SLC4A10: variants seen among roughly 807,000 people sequenced by gnomAD.
SLC4A10 encodes sodium-driven chloride bicarbonate exchanger.
SLC4A10 carries 42 observed loss-of-function variants against 137.7 expected under a neutral mutation model. That is an observed-to-expected ratio of 0.30 (90% confidence interval 0.24 to 0.39). The LOEUF (loss-of-function observed/expected upper bound fraction) is 0.39, where lower values mean the gene tolerates loss of function less well. Ranked by LOEUF, SLC4A10 falls within the 10% of genes least tolerant of loss-of-function variation. The pLI, the probability that SLC4A10 is intolerant of heterozygous loss-of-function variation, is 1.00. For missense variants in SLC4A10, 925 were observed against 1,355.0 expected, an observed-to-expected ratio of 0.68 and a Z score of 4.98; for synonymous variants, 474 against 464.1, an observed-to-expected ratio of 1.02 and a Z score of -0.27.
intron 8 of SLC4A10, among the ~76,000 whole-genome samples, chr2:161,875,829 G>A (rs1159312382): frequency 6.6e-6 from 1 of 152,172 alleles, no homozygotes; most frequent in Non-Finnish European, 1.5e-5. Context: ...CTGAATTATA[G>A]AGTGATTAAG....
chr2:161,630,521 G>A (rs1286169054), intron 1 of SLC4A10, among the ~76,000 whole-genome samples: 1 of 151,638 alleles, frequency 6.6e-6, no homozygotes, highest in Non-Finnish European at 1.5e-5. Flanking sequence ...ACGGATGATG[G>A]AACTGGACAT....
chr2:161,722,792 C>T (rs1041769413), intron 1 of SLC4A10, among the ~76,000 whole-genome samples: 3 of 152,188 alleles, frequency 2.0e-5, no homozygotes, highest in African/African-American at 7.2e-5. Flanking sequence ...TCCACTGAAC[C>T]CACAAGACTG....
At chr2:161,828,767 C>CATATATATAT (rs58808663) in intron 3 of SLC4A10, among the ~76,000 whole-genome samples, 588 of 41,978 alleles carry the variant, frequency 0.014, 48 homozygotes, top group South Asian at 0.022. Flanking sequence ...AATTCTAATT[C>CATATATATAT]ATATATATAT....
At chr2:161,928,404 G>A (rs1689637455) in intron 15 of SLC4A10, among the ~76,000 whole-genome samples, 1 of 147,214 alleles carries the variant, frequency 6.8e-6, no homozygotes, top group Non-Finnish European at 1.5e-5. Context: ...GATAGCTTTA[G>A]GAGATATACC....
intron 1 of SLC4A10, among the ~76,000 whole-genome samples, chr2:161,742,439 CTTT>C (rs35953656): frequency 8.7e-4 from 72 of 82,528 alleles, no homozygotes; most frequent in African/African-American, 5.3e-3. Context: ...TTCTTTCTTT[CTTT>C]TTTTTTTTTT....
intron 1 of SLC4A10, among the ~76,000 whole-genome samples, chr2:161,734,816 A>G (rs2047170673): frequency 6.6e-6 from 1 of 151,976 alleles, no homozygotes; most frequent in Non-Finnish European, 1.5e-5. Flanking sequence ...CACCCGAATC[A>G]TATCTTGAAT....
chr2:161,970,049 T>C (rs890647003), intron 23 of SLC4A10, among the ~76,000 whole-genome samples: 6 of 152,178 alleles, frequency 3.9e-5, no homozygotes, highest in Admixed American at 2.6e-4. Flanking sequence ...GAATCAAAAC[T>C]CTGGGGATGG....
At chr2:161,912,456 T>A (rs750490567) in intron 15 of SLC4A10, among the ~76,000 whole-genome samples, 14 of 152,126 alleles carry the variant, frequency 9.2e-5, no homozygotes, top group Non-Finnish European at 2.1e-4. Flanking sequence ...TGACCTAGAT[T>A]CAAGGATATA....
At chr2:161,770,871 A>T in intron 1 of SLC4A10, 102 bp from the exon 2 acceptor site, 1 of 743,020 alleles carries the variant, frequency 1.3e-6, no homozygotes, top group Non-Finnish European at 2.2e-6. Context: ...GATTTAAATG[A>T]CTGAATTAAG....
chr2:161,819,121 T>C (rs2057391591), intron 3 of SLC4A10, among the ~76,000 whole-genome samples: 1 of 152,168 alleles, frequency 6.6e-6, no homozygotes, highest in East Asian at 1.9e-4. Context: ...AATCATAGAA[T>C]ACAGTGTTGT....
rs2040320880 is a variant in SLC4A10, at chr2:161,676,785, G to A, written c.48+52219G>A. On this transcript the variant is annotated intron_variant, in intron 1 of 26. Coordinates refer to ENST00000446997, the MANE Select transcript of SLC4A10 (RefSeq NM_001178015.2). ...AAGTTGCTTCACAGAAAAATATTCA[G>A]GTATGTTTAGAAAATGCAGGGCTGC... 2.6e-5 allele frequency among the ~76,000 whole-genome samples: 4 copies of A among 151,990 alleles called. 1 individual carries two copies. In the South Asian group the frequency reaches 8.3e-4, roughly 32 times the overall value.
chr2:161,688,192 A>G (rs554874597), intron 1 of SLC4A10, among the ~76,000 whole-genome samples: 1 of 152,358 alleles, frequency 6.6e-6, no homozygotes, highest in South Asian at 2.1e-4. Context: ...AAGTGTTACC[A>G]ATGAAAAACT....
chr2:161,890,470 C>T (rs2062796783), intron 10 of SLC4A10, among the ~76,000 whole-genome samples: 1 of 152,134 alleles, frequency 6.6e-6, no homozygotes, highest in Non-Finnish European at 1.5e-5. Flanking sequence ...AATCTGGGTG[C>T]TCCTGTATTG....
At chr2:161,903,593 C>T in intron 12 of SLC4A10, among the ~76,000 whole-genome samples, 1 of 152,178 alleles carries the variant, frequency 6.6e-6, no homozygotes, top group Admixed American at 6.6e-5. Context: ...CCCTCCCTCC[C>T]TCACTTCCTG....
chr2:161,749,169 T>G (rs2048692840), intron 1 of SLC4A10, among the ~76,000 whole-genome samples: 1 of 152,072 alleles, frequency 6.6e-6, no homozygotes, highest in African/African-American at 2.4e-5. Context: ...ATTCTAATAG[T>G]TTCATGCTGT....
At chr2:161,663,274 C>A (rs2038659636) in intron 1 of SLC4A10, among the ~76,000 whole-genome samples, 1 of 152,116 alleles carries the variant, frequency 6.6e-6, no homozygotes, top group African/African-American at 2.4e-5. Flanking sequence ...ATACCAAACA[C>A]ACAAAAAACA....
At chr2:161,896,773 G>C (rs2063551622) in intron 11 of SLC4A10, among the ~76,000 whole-genome samples, 1 of 152,078 alleles carries the variant, frequency 6.6e-6, no homozygotes, top group Non-Finnish European at 1.5e-5. Flanking sequence ...ATCTTTCTTA[G>C]TACTACCTAA....
intron 4 of SLC4A10, among the ~76,000 whole-genome samples, chr2:161,846,426 A>G (rs1308923508): frequency 6.6e-6 from 1 of 152,218 alleles, no homozygotes; most frequent in Non-Finnish European, 1.5e-5. Flanking sequence ...AGTTTCTGAT[A>G]AAACTAAACA....
intron 3 of SLC4A10, among the ~76,000 whole-genome samples, chr2:161,806,349 C>T (rs374581186): frequency 2.0e-5 from 3 of 152,094 alleles, no homozygotes; most frequent in African/African-American, 7.2e-5. Context: ...TTTGGCTCCT[C>T]ATTACTTTTG....
Sources: allele counts gnomAD v4.1 joint callset (sites outside exome capture counted in the v4.1 genomes callset), GRCh38; gene constraint gnomAD v4.1.1; transcripts MANE v1.5; gene names NCBI Gene and HGNC (gene_info 2026-07-23, HGNC 2026-07-21).